NTNG1: variants seen among roughly 807,000 people sequenced by gnomAD.
NTNG1 encodes netrin G1, also known as netrin-G1.
Under a neutral mutation model 54.0 loss-of-function variants are expected in NTNG1, and 16 were observed. That is an observed-to-expected ratio of 0.30 (90% CI 0.20 to 0.45). The LOEUF (loss-of-function observed/expected upper bound fraction) is 0.45. Among genes scored for constraint, NTNG1 ranks in the 20% least tolerant of loss-of-function variants. The pLI is 1.00. For missense variants in NTNG1, 530 were observed against 678.7 expected (o/e 0.78, Z 2.43); for synonymous variants, 255 against 263.1 (o/e 0.97, Z 0.30).
intron 4 of NTNG1, among the ~76,000 whole-genome samples, chr1:107,405,337 C>A (rs1341806210): frequency 6.6e-6 from 1 of 152,074 alleles, no homozygotes; most frequent in Non-Finnish European, 1.5e-5. Flanking sequence ...CATTTTACAG[C>A]AGAGGAATAG....
At chr1:107,247,652 G>T (rs1029722648) in intron 2 of NTNG1, among the ~76,000 whole-genome samples, 1 of 152,036 alleles carries the variant, frequency 6.6e-6, no homozygotes, top group Non-Finnish European at 1.5e-5. Flanking sequence ...TTCTTTGTCG[G>T]GTTCCTGAAT....
At chr1:107,333,570 G>T (rs374784541) in intron 3 of NTNG1, among the ~76,000 whole-genome samples, 2 of 151,826 alleles carry the variant, frequency 1.3e-5, no homozygotes, top group South Asian at 2.1e-4. Flanking sequence ...ACTAGTATTC[G>T]CAGAACTCTT....
intron 2 of NTNG1, among the ~76,000 whole-genome samples, chr1:107,297,249 G>GATATATATATATATATATATATA (rs1491195014): frequency 2.1e-4 from 4 of 18,676 alleles, no homozygotes; most frequent in African/African-American, 6.8e-4. Context: ...ATATATATGC[G>GATATATATATATATATATATATA]CACACACACA....
chr1:107,304,341 T>C (rs1176188016), intron 2 of NTNG1, among the ~76,000 whole-genome samples: 1 of 152,172 alleles, frequency 6.6e-6, no homozygotes, highest in African/African-American at 2.4e-5. Flanking sequence ...CCAAATTATA[T>C]ATAGTAACTC....
At chr1:107,254,161 C>A (rs1046287961) in intron 2 of NTNG1, among the ~76,000 whole-genome samples, 1 of 152,200 alleles carries the variant, frequency 6.6e-6, no homozygotes, top group African/African-American at 2.4e-5. Flanking sequence ...GGAGAACCAA[C>A]TGAGGAAAAT....
At chr1:107,263,367 C>A (rs1663500586) in intron 2 of NTNG1, among the ~76,000 whole-genome samples, 1 of 150,176 alleles carries the variant, frequency 6.7e-6, no homozygotes, top group African/African-American at 2.5e-5. Flanking sequence ...TTTACAAAGC[C>A]TTTACAATAG....
chr1:107,280,638 C>T (rs3125670), intron 2 of NTNG1, among the ~76,000 whole-genome samples: 2,272 of 145,808 alleles, frequency 0.016, 56 homozygotes, highest in African/African-American at 0.055. Context: ...ATAAACACAT[C>T]ATCCTATAAC....
At chr1:107,208,697 T>A (rs904365007) in intron 2 of NTNG1, among the ~76,000 whole-genome samples, 4 of 152,134 alleles carry the variant, frequency 2.6e-5, no homozygotes, top group African/African-American at 9.7e-5. Flanking sequence ...CAAGGCATTG[T>A]CCTTGGGTTA....
At chr1:107,421,103 G>C in intron 5 of NTNG1, 1 of 1,609,822 alleles carries the variant, frequency 6.2e-7, no homozygotes, top group South Asian at 1.1e-5. Context: ...AATTAGCTTT[G>C]TCAACAGTTT....
intron 2 of NTNG1, among the ~76,000 whole-genome samples, chr1:107,243,871 A>C (rs946577814): frequency 6.6e-6 from 1 of 151,964 alleles, no homozygotes; most frequent in South Asian, 2.1e-4. Flanking sequence ...TTATGCCCTC[A>C]CTCTTTAAAT....
intron 1 of NTNG1, among the ~76,000 whole-genome samples, chr1:107,144,335 G>C (rs1172816415): frequency 6.6e-6 from 1 of 151,858 alleles, no homozygotes; most frequent in Non-Finnish European, 1.5e-5. Context: ...TGTGAATGAG[G>C]AATGAGTCAA....
chr1:107,395,020 A>C, intron 3 of NTNG1, 134 bp from the exon 4 acceptor site: 1 of 724,930 alleles, frequency 1.4e-6, no homozygotes, highest in Non-Finnish European at 2.4e-6. Context: ...CTGGGCCTGC[A>C]AATCTATCTC....
intron 7 of NTNG1, among the ~76,000 whole-genome samples, chr1:107,456,707 C>T (rs1384135807): frequency 2.0e-5 from 3 of 152,268 alleles, no homozygotes; most frequent in South Asian, 4.1e-4. Flanking sequence ...CTAGTGTTTC[C>T]ATTTGGTTTC....
At position 107,214,760 on chromosome 1, in the gene NTNG1, G is replaced by A. The variant is rs1393124510; in HGVS notation, c.246+65921G>A. Among the ~76,000 whole-genome samples the A allele has an allele frequency of 3.4e-5, 5 of 148,004 alleles. No individual in the cohort carries two copies. In the South Asian group the frequency reaches 1.1e-3, roughly 32 times the overall value. ...TTACATTCCCACCAGCAGCGTAAAA[G>A]TGTTTCCTTTTCACCACATCCATGC... On this transcript the variant is annotated intron_variant, in intron 2 of 7. Coordinates refer to ENST00000370068, the MANE Select transcript of NTNG1 (RefSeq NM_001113226.3).
At chr1:107,476,036 G>T (rs1350378231) in intron 7 of NTNG1, among the ~76,000 whole-genome samples, 1 of 152,172 alleles carries the variant, frequency 6.6e-6, no homozygotes, top group Non-Finnish European at 1.5e-5. Context: ...CCTTATGACA[G>T]AGTCAATCAA....
chr1:107,446,757 A>G (rs2101457728), intron 7 of NTNG1, among the ~76,000 whole-genome samples: 1 of 152,220 alleles, frequency 6.6e-6, no homozygotes. Flanking sequence ...CCATCTTTAC[A>G]AAGTTTTCTG....
chr1:107,202,954 A>G (rs1189823281), intron 2 of NTNG1, among the ~76,000 whole-genome samples: 1 of 151,964 alleles, frequency 6.6e-6, no homozygotes, highest in East Asian at 1.9e-4. Flanking sequence ...AGATGAATCT[A>G]TATGGAGATC....
At chr1:107,415,231 C>T (rs1242925097) in intron 5 of NTNG1, among the ~76,000 whole-genome samples, 1 of 152,130 alleles carries the variant, frequency 6.6e-6, no homozygotes, top group African/African-American at 2.4e-5. Context: ...GATCCTTCCC[C>T]TCACCCTTAT....
At chr1:107,143,493 T>G (rs1435731404) in intron 1 of NTNG1, 1 of 151,654 alleles carries the variant, frequency 6.6e-6, no homozygotes, top group Admixed American at 6.6e-5. Context: ...TTTGGAGAGT[T>G]TTAGTTACAA....
Sources: allele counts gnomAD v4.1 joint callset (sites outside exome capture counted in the v4.1 genomes callset), GRCh38; gene constraint gnomAD v4.1.1; transcripts MANE v1.5; gene names NCBI Gene and HGNC (gene_info 2026-07-23, HGNC 2026-07-21).